GGACT: variants seen among roughly 807,000 people sequenced by gnomAD.
GGACT encodes the protein gamma-glutamylamine cyclotransferase.
For synonymous variants in GGACT, 118 were observed against 115.3 expected (o/e 1.02, Z -0.15); for missense variants, 241 against 233.2 (o/e 1.03, Z -0.22).
Position 100,532,017 on chromosome 13 carries a change from C to G in GGACT, c.*113G>C, listed in dbSNP as rs1295055363. ...CTGCCACTGAAAGATTGGTTCCTTT[C>G]CGGCAGATTCATTGGAAAGGGCCCT... On this transcript the variant is annotated 3_prime_UTR_variant, in exon 3 of 3. Transcript: ENST00000683975. 3 of 665,516 alleles carry G rather than the reference C, an allele frequency of 4.5e-6. No homozygotes were observed. The highest frequency in any genetic ancestry group is 6.8e-6 in the Non-Finnish European group (3 of 440,770). 41.2% of individuals were successfully genotyped at this position (665,516 alleles called of 1,614,324 possible).
At chr13:100,564,829 G>T (rs184559714) in intron 2 of GGACT, among the ~76,000 whole-genome samples, 4 of 152,098 alleles carry the variant, frequency 2.6e-5, no homozygotes, top group African/African-American at 9.7e-5. Context: ...GGCAGGGGGC[G>T]GGGGGGCTGG....
chr13:100,582,987 A>AT (rs1875462863), intron 2 of GGACT, among the ~76,000 whole-genome samples: 1 of 152,104 alleles, frequency 6.6e-6, no homozygotes, highest in Non-Finnish European at 1.5e-5. Context: ...TCCCCCTGCT[A>AT]TTTTTTTCTT....
intron 2 of GGACT, among the ~76,000 whole-genome samples, chr13:100,543,852 T>C (rs1242207251): frequency 6.6e-6 from 1 of 152,234 alleles, no homozygotes; most frequent in Non-Finnish European, 1.5e-5. Flanking sequence ...ATCTTTACAT[T>C]TGCTGCATTA....
rs115065419 is a variant in GGACT at position 100,534,599 on chromosome 13, G to A, written c.-10-1998C>T. On this transcript the variant is annotated intron_variant, in intron 2 of 2. Coordinates refer to ENST00000683975, the MANE Select transcript of GGACT (RefSeq NM_001195087.2). The surrounding 1 kb of genome is among the most constrained non-coding windows in gnomAD (Gnocchi z 4.9). ...GCTATCCCAAAAGACGAGCACCTGG[G>A]GGGCGATGATGGTTTGGATCCTGCT... Among the ~76,000 whole-genome samples, 382 of 152,196 alleles carry A rather than the reference G, an allele frequency of 2.5e-3. 2 individuals are homozygous for A. The highest frequency in any genetic ancestry group is 8.9e-3 in the African/African-American group (370 of 41,524).
rs2088464030 is a variant in GGACT, at chr13:100,534,598, G to A, written c.-10-1997C>T. The stretch of plus-strand genomic sequence containing the variant: ...AGCTATCCCAAAAGACGAGCACCTG[G>A]GGGGCGATGATGGTTTGGATCCTGC... On this transcript the variant is annotated intron_variant, in intron 2 of 2. Coordinates refer to ENST00000683975, the MANE Select transcript of GGACT (RefSeq NM_001195087.2). The surrounding 1 kb of genome is among the most constrained non-coding windows in gnomAD (Gnocchi z 4.9). 6.6e-6 allele frequency among the ~76,000 whole-genome samples: 1 copy of A among 152,122 alleles called. No homozygotes were observed. The highest frequency in any genetic ancestry group is 2.4e-5 in the African/African-American group (1 of 41,426).
In GGACT at chr13:100,530,297, G is replaced by A; in HGVS notation, c.*1833C>T. ...CGTTTACGTCGTCATTTATTCCACA[G>A]AGTCAAGACCAATATTCTGCCAAAA... is the stretch of plus-strand genomic sequence containing the variant. On this transcript the variant is annotated 3_prime_UTR_variant, in exon 3 of 3. Transcript: ENST00000683975. The A allele has an allele frequency of 1.3e-6, 1 of 774,074 alleles. No homozygotes were observed. The highest frequency in any genetic ancestry group is 2.3e-6 in the Non-Finnish European group (1 of 440,136). 48.0% of individuals were successfully genotyped at this position (774,074 alleles called of 1,614,324 possible).
At chr13:100,537,271 G>C (rs1250201243) in intron 2 of GGACT, 4 of 152,322 alleles carry the variant, frequency 2.6e-5, no homozygotes, top group African/African-American at 9.7e-5. Flanking sequence ...GACAGAAACT[G>C]CTTGCTTAGA....
At chr13:100,588,121 C>T (rs1875637132) in intron 1 of GGACT, among the ~76,000 whole-genome samples, 1 of 152,202 alleles carries the variant, frequency 6.6e-6, no homozygotes, top group Non-Finnish European at 1.5e-5. Flanking sequence ...TCAAAAAACA[C>T]TTAAGTCTGC....
intron 2 of GGACT, chr13:100,538,091 A>AT (rs747321944): frequency 3.9e-5 from 6 of 152,184 alleles, no homozygotes; most frequent in Non-Finnish European, 8.8e-5. Context: ...AGTTTATTTA[A>AT]TGCTCTCAAC....
At chr13:100,560,229 C>T (rs992640560) in intron 2 of GGACT, among the ~76,000 whole-genome samples, 1 of 152,110 alleles carries the variant, frequency 6.6e-6, no homozygotes, top group South Asian at 2.1e-4. Flanking sequence ...AAAAAACGCA[C>T]TGAACTTTAA....
At chr13:100,544,322 G>C (rs977985215) in intron 2 of GGACT, among the ~76,000 whole-genome samples, 1 of 152,238 alleles carries the variant, frequency 6.6e-6, no homozygotes, top group African/African-American at 2.4e-5. Flanking sequence ...TGCGCGAGGC[G>C]GGCCCTAAGG....
intron 2 of GGACT, among the ~76,000 whole-genome samples, chr13:100,549,323 G>C (rs546821952): frequency 4.6e-5 from 7 of 152,224 alleles, no homozygotes; most frequent in Admixed American, 1.3e-4. Context: ...TGGGCAACGA[G>C]TGAAACTCCG....
Position 100,532,163 on chromosome 13 carries a change from G to T in GGACT, c.429C>A (p.His143Gln). The T allele has an allele frequency of 1.4e-6, 2 of 1,459,694 alleles. No homozygotes were observed. Among genetic ancestry groups the T allele is most frequent in the South Asian group, 2.8e-5 (2 of 70,446 alleles). 90.4% of individuals were successfully genotyped at this position (1,459,694 alleles called of 1,614,324 possible). Residue 143 changes from histidine (H) to glutamine (Q), a missense_variant, in exon 3 of 3, where the codon CAC becomes CAA. Coordinates refer to ENST00000683975, the MANE Select transcript of GGACT (RefSeq NM_001195087.2). ...HHDSYDSEGP[H>Q]GLRYNPRENR Reference sequence around the variant, plus strand: ...TCTCCCGGGGGTTGTAGCGCAGCCCGTGCGGCCCCTCGGAGTCGTAGCTGT... The same window carrying T: ...TCTCCCGGGGGTTGTAGCGCAGCCCTTGCGGCCCCTCGGAGTCGTAGCTGT...
intron 2 of GGACT, among the ~76,000 whole-genome samples, chr13:100,562,849 C>A (rs759575585): frequency 1.3e-5 from 2 of 151,576 alleles, no homozygotes; most frequent in Non-Finnish European, 2.9e-5. Context: ...CAGCCTTAAA[C>A]TTGGGTGGTT....
At chr13:100,573,125 G>A (rs940539799) in intron 2 of GGACT, among the ~76,000 whole-genome samples, 30 of 152,206 alleles carry the variant, frequency 2.0e-4, no homozygotes, top group African/African-American at 6.5e-4. Context: ...GGAGAGAAGC[G>A]GCATCTTCCC....
At chr13:100,579,895 G>A (rs1366628139) in intron 2 of GGACT, 1 of 152,100 alleles carries the variant, frequency 6.6e-6, no homozygotes, top group Non-Finnish European at 1.5e-5. Flanking sequence ...GGGTAGAGAG[G>A]GATCACCCCC....
intron 2 of GGACT, among the ~76,000 whole-genome samples, chr13:100,571,198 CAT>C (rs1184789186): frequency 1.3e-5 from 2 of 152,196 alleles, no homozygotes; most frequent in Non-Finnish European, 2.9e-5. Context: ...GGAACTGGCA[CAT>C]GAGAAGCACA....
chr13:100,582,641 G>C (rs1370835264), intron 2 of GGACT, among the ~76,000 whole-genome samples: 1 of 152,202 alleles, frequency 6.6e-6, no homozygotes, highest in African/African-American at 2.4e-5. Flanking sequence ...TTTGAATATG[G>C]AGGAAAGGGC....
At chr13:100,555,644 C>T (rs181507182) in intron 2 of GGACT, among the ~76,000 whole-genome samples, 1 of 151,524 alleles carries the variant, frequency 6.6e-6, no homozygotes, top group East Asian at 1.9e-4. Context: ...CCAGCCCGGG[C>T]AAGAGAGAGA....
Sources: allele counts gnomAD v4.1 joint callset (sites outside exome capture counted in the v4.1 genomes callset), GRCh38; gene constraint gnomAD v4.1.1; non-coding constraint Gnocchi (gnomAD v3.1); transcripts MANE v1.5; gene names NCBI Gene and HGNC (gene_info 2026-07-23, HGNC 2026-07-21).